Variants in PEAK1 observed in about 807,000 individuals in gnomAD.
The protein encoded by PEAK1 is pseudopodium enriched atypical kinase 1.
A neutral mutation model predicts 124.7 loss-of-function variants in PEAK1; 54 were observed. The observed-to-expected ratio is 0.43, with a 90% CI of 0.35 to 0.54. The LOEUF is 0.54. Among genes scored for constraint, PEAK1 ranks in the 20% least tolerant of loss-of-function variants. PEAK1 has a pLI of 0.01. For synonymous variants in PEAK1, 719 were observed against 760.0 expected (o/e 0.95, Z 0.89); for missense variants, 2,046 against 2,134.5 (o/e 0.96, Z 0.82).
intron 5 of PEAK1, among the ~76,000 whole-genome samples, chr15:77,277,655 G>A (rs1300045753): frequency 6.6e-6 from 1 of 151,974 alleles, no homozygotes; most frequent in Non-Finnish European, 1.5e-5. Flanking sequence ...TCACTAATAG[G>A]ATCACCATAC....
At position 77,158,438 on chromosome 15, in the gene PEAK1, A is replaced by G. The variant is rs775579163; in HGVS notation, c.3331+65T>C. 6.4e-6 allele frequency: 9 copies of G among 1,412,320 alleles called. No individual in the cohort carries two copies. The South Asian group carries it at 9.5e-5, about 15-fold the overall frequency. The allele number at this position is 1,412,320 out of a possible 1,614,324, so 87.5% of individuals were successfully genotyped here. A position where few individuals can be genotyped will look rare whatever the true frequency, so the allele number is the denominator to read the frequency against. ...ATAAAAACCATCTCTCCAAGAAAAC[A>G]GAACATTTGGCTAGTACAGAAAAAG... On this transcript the variant is annotated intron_variant, in intron 8 of 9. Transcript: ENST00000682557.
intron 6 of PEAK1, among the ~76,000 whole-genome samples, chr15:77,204,317 C>A (rs186773447): frequency 6.6e-4 from 101 of 152,264 alleles, no homozygotes; most frequent in African/African-American, 2.4e-3. Flanking sequence ...ATGGTACAGA[C>A]CCTTTGGAAG....
intron 9 of PEAK1, among the ~76,000 whole-genome samples, chr15:77,123,108 C>T (rs1386954683): frequency 6.6e-6 from 1 of 152,166 alleles, no homozygotes; most frequent in African/African-American, 2.4e-5. Flanking sequence ...AAGTGTACAT[C>T]TTTACTGAGT....
intron 2 of PEAK1, chr15:77,351,782 A>T: frequency 1.0e-6 from 1 of 985,462 alleles, no homozygotes; most frequent in Non-Finnish European, 1.2e-6. Context: ...CTTTATCTTG[A>T]TGAAAATGTG....
chr15:77,121,472 C>A (rs760331926), intron 9 of PEAK1, among the ~76,000 whole-genome samples: 1 of 152,118 alleles, frequency 6.6e-6, no homozygotes, highest in African/African-American at 2.4e-5. Flanking sequence ...GCAGATAAAC[C>A]TGAATAATAA....
chr15:77,177,539 AC>A (rs2056960242), intron 7 of PEAK1, among the ~76,000 whole-genome samples: 1 of 152,204 alleles, frequency 6.6e-6, no homozygotes, highest in South Asian at 2.1e-4. Context: ...TTTTTATTAT[AC>A]TTTTATAAAG....
At chr15:77,291,082 A>G (rs1014681395) in intron 2 of PEAK1, among the ~76,000 whole-genome samples, 1 of 152,252 alleles carries the variant, frequency 6.6e-6, no homozygotes, top group African/African-American at 2.4e-5. Flanking sequence ...GTAACAGTCA[A>G]TGCATGGGGT....
At chr15:77,107,905 A>T (rs951419255), downstream of PEAK1, 2 of 152,246 alleles carry the variant, frequency 1.3e-5, no homozygotes, top group Non-Finnish European at 2.9e-5. Flanking sequence ...GAGGTCTGGG[A>T]AAAGCAGAAT....
chr15:77,246,638 A>T (rs2060602804), intron 6 of PEAK1, among the ~76,000 whole-genome samples: 1 of 152,194 alleles, frequency 6.6e-6, no homozygotes, highest in South Asian at 2.1e-4. Context: ...TTGCACATTT[A>T]AAAAAATTTA....
chr15:77,333,300 T>G, intron 2 of PEAK1: 1 of 967,028 alleles, frequency 1.0e-6, no homozygotes, highest in Non-Finnish European at 1.2e-6. Context: ...ACTTTTTGTG[T>G]GTTATTATTT....
chr15:77,241,850 T>TA (rs2060373241), intron 6 of PEAK1, among the ~76,000 whole-genome samples: 1 of 152,058 alleles, frequency 6.6e-6, no homozygotes, highest in Non-Finnish European at 1.5e-5. Context: ...AATGGAGAGA[T>TA]AGACTATGTT....
rs538126283 is a variant in PEAK1, at chr15:77,346,645, G to A, written c.-603+18518C>T. The stretch of plus-strand genomic sequence containing the variant: ...CAAAACAGCGAAGAAACAGAAAAAT[G>A]TCAAAAATACAAAAATATTAATTGC... On this transcript the variant is annotated intron_variant, in intron 2 of 9. Transcript: ENST00000682557. 3.2e-5 allele frequency: 32 copies of A among 985,132 alleles called. No individual in the cohort carries two copies. The South Asian group carries it at 1.3e-3, about 39-fold the overall frequency. 61.0% of individuals were successfully genotyped at this position (985,132 alleles called of 1,614,324 possible).
chr15:77,269,359 G>T (rs1295263681), intron 5 of PEAK1, among the ~76,000 whole-genome samples: 3 of 152,108 alleles, frequency 2.0e-5, no homozygotes, highest in African/African-American at 7.2e-5. Context: ...AAGCAAGCAG[G>T]AGTAGCTATT....
chr15:77,156,304 T>C (rs1179493720), intron 8 of PEAK1: 1 of 152,814 alleles, frequency 6.5e-6, no homozygotes, highest in African/African-American at 2.4e-5. Context: ...TCTGAGCCAG[T>C]TGCGGGATAT....
At chr15:77,407,966 CATAT>C (rs1173995544) in intron 1 of PEAK1, among the ~76,000 whole-genome samples, 2 of 146,838 alleles carry the variant, frequency 1.4e-5, no homozygotes, top group South Asian at 2.1e-4. Flanking sequence ...CATATATACA[CATAT>C]ATACACACAT....
At chr15:77,281,033 G>C (rs1425430670) in intron 5 of PEAK1, among the ~76,000 whole-genome samples, 1 of 152,022 alleles carries the variant, frequency 6.6e-6, no homozygotes, top group Non-Finnish European at 1.5e-5. Context: ...GGTGACACCG[G>C]TAATCCTAGC....
At chr15:77,389,098 A>T (rs2070225905) in intron 1 of PEAK1, among the ~76,000 whole-genome samples, 1 of 151,608 alleles carries the variant, frequency 6.6e-6, no homozygotes, top group Admixed American at 6.6e-5. Context: ...CTAGGACTAC[A>T]GACATGCACC....
At chr15:77,141,079 G>A (rs1432628529) in intron 8 of PEAK1, among the ~76,000 whole-genome samples, 1 of 152,098 alleles carries the variant, frequency 6.6e-6, no homozygotes, top group Non-Finnish European at 1.5e-5. Flanking sequence ...CATCCAGATT[G>A]TAAAGAGGAA....
At chr15:77,350,622 A>C (rs2067150004) in intron 2 of PEAK1, 1 of 984,942 alleles carries the variant, frequency 1.0e-6, no homozygotes, top group Non-Finnish European at 1.2e-6. Flanking sequence ...AAAAAAAAAA[A>C]AAAACAAGGC....
Sources: gnomAD v4.1 joint callset for allele counts (sites outside exome capture counted in the v4.1 genomes callset) on GRCh38, gnomAD v4.1.1 for gene constraint, MANE v1.5 for transcripts, NCBI Gene and HGNC (gene_info 2026-07-23, HGNC 2026-07-21) for gene names.